STX8: variants seen among roughly 807,000 people sequenced by gnomAD.
STX8 encodes syntaxin-8.
STX8 carries 23 observed loss-of-function variants against 37.5 expected under a neutral mutation model. The ratio of observed to expected loss-of-function variants is 0.61; its 90% CI spans 0.44 to 0.87. STX8 has a LOEUF of 0.87. STX8 is among the 40% of genes least tolerant of loss of function. The pLI, the probability that STX8 is intolerant of heterozygous loss-of-function variation, is 0.00. For missense variants in STX8, 313 were observed against 284.7 expected (o/e 1.10, Z -0.71); for synonymous variants, 115 against 99.1 (o/e 1.16, Z -0.95).
intron 6 of STX8, among the ~76,000 whole-genome samples, chr17:9,440,797 T>C (rs1159324173): frequency 1.3e-5 from 2 of 152,122 alleles, no homozygotes; most frequent in African/African-American, 4.8e-5. Flanking sequence ...AGTGCTGGGA[T>C]TACAGGCGTG....
intron 6 of STX8, among the ~76,000 whole-genome samples, chr17:9,399,664 G>A (rs912661937): frequency 9.2e-5 from 14 of 151,912 alleles, no homozygotes; most frequent in Non-Finnish European, 5.9e-5. Context: ...TCAAGAGTTC[G>A]AGACCAGCCT....
At chr17:9,279,894 A>C (rs1303430722) in intron 7 of STX8, among the ~76,000 whole-genome samples, 1 of 152,266 alleles carries the variant, frequency 6.6e-6, no homozygotes, top group Non-Finnish European at 1.5e-5. Flanking sequence ...ATAGCTTAAA[A>C]TACATCAATA....
At chr17:9,570,910 G>A (rs1448489066) in intron 1 of STX8, among the ~76,000 whole-genome samples, 4 of 152,192 alleles carry the variant, frequency 2.6e-5, no homozygotes, top group Non-Finnish European at 5.9e-5. Flanking sequence ...ATTCAGACAG[G>A]AGGGAGGAGC....
rs115983413 is a variant in STX8 at position 9,441,185 on chromosome 17, G to A, written c.541+50644C>T. ...ATGCAAAAAGATTAAAATGAGACAG[G>A]ACCTTTAGAAATTTAGTCAAATACG... On this transcript the variant is annotated intron_variant, in intron 6 of 7. Coordinates refer to ENST00000306357, the MANE Select transcript of STX8 (RefSeq NM_004853.3). Among the ~76,000 whole-genome samples, 442 of 152,072 alleles carry A rather than the reference G, an allele frequency of 2.9e-3. 7 individuals are homozygous for A. Among genetic ancestry groups the A allele is most frequent in the African/African-American group, 9.9e-3 (410 of 41,408 alleles).
chr17:9,573,343 T>C (rs1164096433), intron 1 of STX8, among the ~76,000 whole-genome samples: 7 of 152,152 alleles, frequency 4.6e-5, no homozygotes, highest in Non-Finnish European at 7.3e-5. Flanking sequence ...TAATAAAATC[T>C]TGGTCTCCAC....
chr17:9,425,879 T>G (rs911049257), intron 6 of STX8, among the ~76,000 whole-genome samples: 3 of 152,160 alleles, frequency 2.0e-5, no homozygotes, highest in African/African-American at 4.8e-5. Context: ...TCTAAAGGCT[T>G]GGACGTCTAC....
At chr17:9,354,506 G>C (rs1001835459) in intron 7 of STX8, among the ~76,000 whole-genome samples, 2 of 151,756 alleles carry the variant, frequency 1.3e-5, no homozygotes, top group Non-Finnish European at 2.9e-5. Context: ...ATTTTTAGTA[G>C]AGACGGGGTT....
chr17:9,425,218 C>G (rs990543082), intron 6 of STX8, among the ~76,000 whole-genome samples: 9 of 152,142 alleles, frequency 5.9e-5, no homozygotes, highest in African/African-American at 2.2e-4. Context: ...TTATATCACC[C>G]AACACTGTAC....
chr17:9,253,916 G>T (rs115198439), intron 7 of STX8, among the ~76,000 whole-genome samples: 51 of 152,238 alleles, frequency 3.4e-4, no homozygotes, highest in Middle Eastern at 3.4e-3. Context: ...TCATACACCC[G>T]GAGCGTGAGG....
intron 4 of STX8, among the ~76,000 whole-genome samples, chr17:9,541,671 A>G (rs1906283499): frequency 6.6e-6 from 1 of 152,174 alleles, no homozygotes; most frequent in Non-Finnish European, 1.5e-5. Flanking sequence ...TTATGGTGCA[A>G]TGGTTACAAG....
chr17:9,390,999 A>G (rs1381968424), intron 6 of STX8, among the ~76,000 whole-genome samples: 2 of 152,230 alleles, frequency 1.3e-5, no homozygotes, highest in Non-Finnish European at 2.9e-5. Flanking sequence ...TAGAAACTCC[A>G]TATTAGTCAT....
At chr17:9,460,987 T>C (rs75687192) in intron 6 of STX8, among the ~76,000 whole-genome samples, 3 of 151,084 alleles carry the variant, frequency 2.0e-5, no homozygotes, top group South Asian at 2.1e-4. Context: ...TTTTTTTTTT[T>C]CCCTGTGAGT....
At chr17:9,482,597 T>C in intron 6 of STX8, among the ~76,000 whole-genome samples, 1 of 152,186 alleles carries the variant, frequency 6.6e-6, no homozygotes, top group East Asian at 1.9e-4. Flanking sequence ...TAGTGACTTG[T>C]GCACCAGCAA....
chr17:9,515,287 A>C (rs1023873387), intron 4 of STX8, among the ~76,000 whole-genome samples: 1 of 152,230 alleles, frequency 6.6e-6, no homozygotes, highest in Non-Finnish European at 1.5e-5. Context: ...TATTAATTTC[A>C]CTTTTAGTTT....
At chr17:9,570,401 T>C (rs1321629080) in intron 1 of STX8, among the ~76,000 whole-genome samples, 1 of 152,074 alleles carries the variant, frequency 6.6e-6, no homozygotes, top group South Asian at 2.1e-4. Context: ...GCACCATTCA[T>C]GTATATATCA....
intron 7 of STX8, among the ~76,000 whole-genome samples, chr17:9,261,169 G>T (rs534019290): frequency 6.6e-6 from 1 of 152,186 alleles, no homozygotes; most frequent in South Asian, 2.1e-4. Context: ...CTGGCTGGGC[G>T]TCAGGTGGCC....
chr17:9,565,434 G>A (rs960746111), intron 2 of STX8, among the ~76,000 whole-genome samples: 1 of 151,956 alleles, frequency 6.6e-6, no homozygotes, highest in African/African-American at 2.4e-5. Flanking sequence ...TGGCCAACAT[G>A]GCGAAACCCT....
chr17:9,567,639 C>A (rs1907514141), intron 2 of STX8, among the ~76,000 whole-genome samples: 1 of 152,176 alleles, frequency 6.6e-6, no homozygotes, highest in Non-Finnish European at 1.5e-5. Context: ...TATTTCTTAG[C>A]CAAATCCCAC....
At chr17:9,523,487 T>C (rs1425368471) in intron 4 of STX8, among the ~76,000 whole-genome samples, 6 of 152,098 alleles carry the variant, frequency 3.9e-5, no homozygotes, top group South Asian at 2.1e-4. Flanking sequence ...CCTAGAGCCA[T>C]GCCTTTTTGA....
Sources: gnomAD v4.1 joint callset for allele counts (sites outside exome capture counted in the v4.1 genomes callset) on GRCh38, gnomAD v4.1.1 for gene constraint, MANE v1.5 for transcripts, NCBI Gene and HGNC (gene_info 2026-07-23, HGNC 2026-07-21) for gene names.